The following SLC13A3 variants were observed in gnomAD, a reference collection of about 807,000 sequenced individuals.
The protein encoded by SLC13A3 is solute carrier family 13 member 3, also known as Na(+)/dicarboxylate cotransporter 3.
Under a neutral mutation model 59.0 loss-of-function variants are expected in SLC13A3, and 40 were observed. That is an observed-to-expected ratio of 0.68 (90% CI 0.53 to 0.88). The LOEUF is 0.88. Among genes scored for constraint, SLC13A3 ranks in the 40% least tolerant of loss-of-function variants. The pLI, the probability that SLC13A3 is intolerant of heterozygous loss-of-function variation, is 0.00. For synonymous variants in SLC13A3, 317 were observed against 330.3 expected (o/e 0.96, Z 0.44); for missense variants, 699 against 783.2 (o/e 0.89, Z 1.28).
At chr20:46,645,752 C>G (rs1394694561) in intron 1 of SLC13A3, among the ~76,000 whole-genome samples, 1 of 152,112 alleles carries the variant, frequency 6.6e-6, no homozygotes, top group Non-Finnish European at 1.5e-5. Flanking sequence ...GCAGTATGTA[C>G]CCAGTATTAA....
At chr20:46,605,271 G>C in intron 3 of SLC13A3, among the ~76,000 whole-genome samples, 1 of 152,154 alleles carries the variant, frequency 6.6e-6, no homozygotes, top group Middle Eastern at 3.2e-3. Flanking sequence ...TGATGATAAA[G>C]TCATGAAGAT....
At chr20:46,602,387 G>A (rs1280136874) in intron 3 of SLC13A3, among the ~76,000 whole-genome samples, 5 of 152,116 alleles carry the variant, frequency 3.3e-5, no homozygotes. Flanking sequence ...TGATAGACCA[G>A]ACTCCCCAGC....
intron 8 of SLC13A3, 30 bp from the exon 9 acceptor site, chr20:46,583,699 C>T: frequency 1.9e-6 from 3 of 1,613,414 alleles, no homozygotes; most frequent in Non-Finnish European, 2.5e-6. Context: ...AATCACGTGA[C>T]CATGGGCATC....
chr20:46,653,724 G>C (rs1038013717), upstream of SLC13A3, among the ~76,000 whole-genome samples: 1 of 152,130 alleles, frequency 6.6e-6, no homozygotes, highest in African/African-American at 2.4e-5. Flanking sequence ...TTATCCTTTT[G>C]TGATTAGCTT....
At chr20:46,614,558 G>A (rs533488611) in intron 1 of SLC13A3, among the ~76,000 whole-genome samples, 10 of 152,240 alleles carry the variant, frequency 6.6e-5, no homozygotes, top group Non-Finnish European at 1.2e-4. Context: ...ATCCTTACAC[G>A]GTACTTAGTG....
At chr20:46,669,284 C>T (rs181875196) in intron 1 of SLC13A3, among the ~76,000 whole-genome samples, 7 of 152,162 alleles carry the variant, frequency 4.6e-5, no homozygotes, top group Non-Finnish European at 5.9e-5. Flanking sequence ...GTGGACCCCC[C>T]GCCCTGCTTA....
At chr20:46,568,622 G>C (rs7273740) in intron 10 of SLC13A3, among the ~76,000 whole-genome samples, 1 of 152,160 alleles carries the variant, frequency 6.6e-6, no homozygotes, top group Non-Finnish European at 1.5e-5. Context: ...AAGTGGCAGC[G>C]TGGAGGCCAC....
upstream of SLC13A3, among the ~76,000 whole-genome samples, chr20:46,670,931 C>T (rs758791381): frequency 6.6e-6 from 1 of 152,098 alleles, no homozygotes; most frequent in Non-Finnish European, 1.5e-5. Flanking sequence ...TACAAGGCAG[C>T]AGAAAACCTA....
chr20:46,681,114 C>T (rs536022830), intron 1 of SLC13A3, among the ~76,000 whole-genome samples: 56 of 152,340 alleles, frequency 3.7e-4, no homozygotes, highest in African/African-American at 1.1e-3. Context: ...TCCCAGGCCG[C>T]GGCTGGACCT....
chr20:46,608,689 A>C, intron 3 of SLC13A3: 1 of 602,614 alleles, frequency 1.7e-6, no homozygotes, highest in Non-Finnish European at 2.7e-6. Context: ...AGATTAACTT[A>C]GATGGTACAC....
chr20:46,562,602 T>C (rs1192790984), intron 12 of SLC13A3, among the ~76,000 whole-genome samples: 1 of 152,212 alleles, frequency 6.6e-6, no homozygotes, highest in Non-Finnish European at 1.5e-5. Flanking sequence ...TGTTCACGTC[T>C]GTCTCCACCA....
intron 1 of SLC13A3, among the ~76,000 whole-genome samples, chr20:46,637,996 C>T (rs2062810804): frequency 6.6e-6 from 1 of 152,190 alleles, no homozygotes; most frequent in South Asian, 2.1e-4. Flanking sequence ...GAGCAGGAAG[C>T]GGTTGATGTC....
chr20:46,570,269 A>G (rs559146719), intron 10 of SLC13A3, among the ~76,000 whole-genome samples: 2 of 152,376 alleles, frequency 1.3e-5, no homozygotes, highest in South Asian at 4.1e-4. Flanking sequence ...AAAGCAACAT[A>G]GTGCTTACTC....
In SLC13A3 at chr20:46,610,580, G is replaced by A. The variant is rs1352922800; in HGVS notation, c.407C>T (p.Ser136Leu). ...RLILGMMVTT[S>L]FLSMWLSNTA... ...GTTGCTCAGCCACATGGACAAGAAC[G>A]AGGTGGTCACCATCATCCCCAGGAT... The change falls in exon 3 of 13, where the codon TCG becomes TTG. Residue 136 changes from serine to leucine, a missense_variant. By Grantham distance (145) the Ser-to-Leu change is moderately radical. Transcript: ENST00000279027. 3 of 1,613,882 alleles carry A rather than the reference G, an allele frequency of 1.9e-6. No homozygotes were observed. The highest frequency in any genetic ancestry group is 2.5e-6 in the Non-Finnish European group (3 of 1,179,928).
intron 8 of SLC13A3, among the ~76,000 whole-genome samples, chr20:46,587,027 C>T (rs575610583): frequency 5.8e-4 from 89 of 152,258 alleles, no homozygotes; most frequent in African/African-American, 1.6e-3. Context: ...TTGATTTTTC[C>T]GCAGCCATTT....
intron 1 of SLC13A3, among the ~76,000 whole-genome samples, chr20:46,683,856 GCTA>G (rs371644457): frequency 3.9e-5 from 6 of 152,222 alleles, no homozygotes; most frequent in African/African-American, 1.4e-4. Context: ...TTCCACCCTG[GCTA>G]CTGTTTTTAC....
chr20:46,603,744 T>A (rs1265477744), intron 3 of SLC13A3, among the ~76,000 whole-genome samples: 1 of 152,032 alleles, frequency 6.6e-6, no homozygotes, highest in Non-Finnish European at 1.5e-5. Flanking sequence ...TGCTTTTGAT[T>A]TATTTCAATC....
chr20:46,610,588 C>A lies in SLC13A3; in HGVS notation c.399G>T (p.Val133=). Residue 133 remains valine, a synonymous_variant, in exon 3 of 13, where the codon GTG becomes GTT. Transcript: ENST00000279027. ...QPARLILGMM[V]TTSFLSMWLS... ...GCCACATGGACAAGAACGAGGTGGT[C>A]ACCATCATCCCCAGGATGAGCCTGC... The A allele has an allele frequency of 6.2e-7, 1 of 1,613,562 alleles. No homozygotes were observed. The highest frequency in any genetic ancestry group is 1.1e-5 in the South Asian group (1 of 90,964).
rs912394833 is a variant in SLC13A3, at chr20:46,558,504, T to A, written c.*1518A>T. On this transcript the variant is annotated 3_prime_UTR_variant, in exon 13 of 13. Transcript: ENST00000279027. ...ATGATTCATCTGGTTACAAATCCCA[T>A]GAGTTTCTCTTTGAATGAACCTCTT... 6.6e-6 allele frequency: 1 copy of A among 152,248 alleles called. No individual in the cohort carries two copies. Among genetic ancestry groups the A allele is most frequent in the Non-Finnish European group, 1.5e-5 (1 of 68,046 alleles). 9.4% of individuals were successfully genotyped at this position (152,248 alleles called of 1,614,324 possible). A position where few individuals can be genotyped will look rare whatever the true frequency, so the allele number is the denominator to read the frequency against.
Sources: gnomAD v4.1 joint callset for allele counts (sites outside exome capture counted in the v4.1 genomes callset) on GRCh38, gnomAD v4.1.1 for gene constraint, MANE v1.5 for transcripts, NCBI Gene and HGNC (gene_info 2026-07-23, HGNC 2026-07-21) for gene names.